Variants in ZDHHC17 observed in about 807,000 individuals in gnomAD.
The protein encoded by ZDHHC17 is zDHHC palmitoyltransferase 17.
In ZDHHC17, 40 loss-of-function variants were observed where a neutral mutation model predicts 90.3. That is an observed-to-expected ratio of 0.44 (90% CI 0.34 to 0.58). The LOEUF (loss-of-function observed/expected upper bound fraction) is 0.58. ZDHHC17 is among the 20% of genes least tolerant of loss of function. The probability of loss-of-function intolerance (pLI) is 0.01; values close to 1 mark genes in which losing one functional copy is unlikely to be tolerated. For missense variants in ZDHHC17, 614 were observed against 780.8 expected (o/e 0.79, Z 2.55); for synonymous variants, 235 against 252.4 (o/e 0.93, Z 0.65).
chr12:76,823,029 A>G (rs1335409503), intron 8 of ZDHHC17, among the ~76,000 whole-genome samples: 1 of 141,770 alleles, frequency 7.1e-6, no homozygotes, highest in Non-Finnish European at 1.5e-5. Flanking sequence ...GCTCTTACCT[A>G]CGTGGTTGGT....
chr12:76,835,690 T>G (rs1255211376), intron 10 of ZDHHC17, among the ~76,000 whole-genome samples: 1 of 151,930 alleles, frequency 6.6e-6, no homozygotes. Flanking sequence ...AGACTGAATT[T>G]TGTTTTTCTT....
chr12:76,793,515 G>A (rs771965884), intron 1 of ZDHHC17, among the ~76,000 whole-genome samples: 5 of 152,186 alleles, frequency 3.3e-5, no homozygotes, highest in African/African-American at 9.6e-5. Context: ...GTGAGGCTCT[G>A]CCTCAAAAGA....
At chr12:76,789,463 A>G (rs1337222950) in intron 1 of ZDHHC17, among the ~76,000 whole-genome samples, 1 of 152,218 alleles carries the variant, frequency 6.6e-6, no homozygotes, top group Non-Finnish European at 1.5e-5. Context: ...TAACCTAAAA[A>G]TGTTCAGCAA....
intron 1 of ZDHHC17, among the ~76,000 whole-genome samples, chr12:76,779,366 A>G (rs2137721534): frequency 6.6e-6 from 1 of 152,312 alleles, no homozygotes; most frequent in African/African-American, 2.4e-5. Context: ...TCAGTTACAC[A>G]TGGCTGGGGA....
chr12:76,764,217 G>GT lies in ZDHHC17; in HGVS notation c.-19dup, dbSNP rs543403157. ...TCCGCCTCGCCCGAGCCCCGGGAGG[G>GT]TGAAACGCTTTCTCCCAGCATGCAG... On this transcript the variant is annotated 5_prime_UTR_variant, in exon 1 of 17. Coordinates refer to ENST00000426126, the MANE Select transcript of ZDHHC17 (RefSeq NM_015336.4). The GT allele has an allele frequency of 7.9e-5, 124 of 1,569,478 alleles. No individual in the cohort carries two copies. The East Asian group carries it at 2.7e-3, about 34-fold the overall frequency.
intron 1 of ZDHHC17, among the ~76,000 whole-genome samples, chr12:76,787,642 G>C (rs201532271): frequency 3.6e-5 from 5 of 137,146 alleles, no homozygotes; most frequent in African/African-American, 8.2e-5. Flanking sequence ...CTCTCTCTCT[G>C]TCTCTTGTGT....
rs184349331 is a variant in ZDHHC17, at chr12:76,842,867, G to A, written c.1267-52G>A. The stretch of plus-strand genomic sequence containing the variant: ...ATTGATTCATAGTGGTGGCAAAAGA[G>A]TTGGTGAGCATTGTTCAGTTTTGAA... On this transcript the variant is annotated intron_variant, in intron 11 of 16. Transcript: ENST00000426126. 5.1e-6 allele frequency: 7 copies of A among 1,363,620 alleles called. No homozygotes were observed. In the East Asian group the frequency reaches 1.8e-4, roughly 34 times the overall value. 84.5% of individuals were successfully genotyped at this position (1,363,620 alleles called of 1,614,324 possible). A position where few individuals can be genotyped will look rare whatever the true frequency, so the allele number is the denominator to read the frequency against.
chr12:76,795,508 G>A (rs1262776387), intron 1 of ZDHHC17, among the ~76,000 whole-genome samples: 1 of 152,088 alleles, frequency 6.6e-6, no homozygotes, highest in Non-Finnish European at 1.5e-5. Flanking sequence ...CCATATAGAT[G>A]TCAAAGTTGG....
intron 9 of ZDHHC17, among the ~76,000 whole-genome samples, chr12:76,828,049 A>G (rs1375479911): frequency 6.6e-6 from 1 of 152,136 alleles, no homozygotes; most frequent in East Asian, 1.9e-4. Context: ...CAAAATTTTG[A>G]CACATCTTTG....
At chr12:76,782,605 T>A (rs1159198937) in intron 1 of ZDHHC17, among the ~76,000 whole-genome samples, 1 of 152,092 alleles carries the variant, frequency 6.6e-6, no homozygotes, top group Non-Finnish European at 1.5e-5. Flanking sequence ...TCAGATATGT[T>A]CCACTGGAGT....
At chr12:76,838,557 A>T (rs2137798987) in intron 10 of ZDHHC17, among the ~76,000 whole-genome samples, 1 of 152,312 alleles carries the variant, frequency 6.6e-6, no homozygotes, top group East Asian at 1.9e-4. Context: ...TCAATTGTAA[A>T]TTCTTGCTGA....
At chr12:76,845,923 A>G (rs894730466) in intron 13 of ZDHHC17, 121 bp downstream of exon 13, 9 of 504,052 alleles carry the variant, frequency 1.8e-5, no homozygotes, top group Admixed American at 3.5e-5. Flanking sequence ...TTTCTCAGTT[A>G]TCTTCTGGTT....
intron 1 of ZDHHC17, among the ~76,000 whole-genome samples, chr12:76,790,640 T>C (rs552021622): frequency 1.3e-5 from 2 of 152,350 alleles, no homozygotes; most frequent in East Asian, 3.9e-4. Context: ...AAAACTGTTA[T>C]TTAAGGGAGC....
chr12:76,803,360 A>T (rs925753672), intron 2 of ZDHHC17, among the ~76,000 whole-genome samples: 1 of 152,202 alleles, frequency 6.6e-6, no homozygotes, highest in Non-Finnish European at 1.5e-5. Flanking sequence ...TGGAGGTCAC[A>T]TCCCAGAGCA....
intron 10 of ZDHHC17, among the ~76,000 whole-genome samples, chr12:76,834,195 TTTTA>T (rs572207942): frequency 2.0e-5 from 3 of 152,286 alleles, no homozygotes; most frequent in African/African-American, 4.8e-5. Flanking sequence ...TTTCTTGCAT[TTTTA>T]TTTATTTTTA....
At chr12:76,813,914 G>A (rs1173845495) in intron 5 of ZDHHC17, among the ~76,000 whole-genome samples, 5 of 152,026 alleles carry the variant, frequency 3.3e-5, no homozygotes, top group African/African-American at 1.2e-4. Flanking sequence ...TTATATGATG[G>A]AGCTAGGAAG....
intron 12 of ZDHHC17, chr12:76,845,418 A>T (rs1040921891): frequency 4.4e-4 from 76 of 172,704 alleles, no homozygotes; most frequent in African/African-American, 1.7e-3. Context: ...TAAACATAGC[A>T]TCATTCATCA....
At chr12:76,843,870 T>A (rs1001460736) in intron 12 of ZDHHC17, 16 of 152,142 alleles carry the variant, frequency 1.1e-4, no homozygotes, top group African/African-American at 3.9e-4. Context: ...GTTCTAATTC[T>A]GAAAATTCTT....
chr12:76,766,893 G>A (rs548325458), intron 1 of ZDHHC17, among the ~76,000 whole-genome samples: 2 of 151,970 alleles, frequency 1.3e-5, no homozygotes, highest in Non-Finnish European at 2.9e-5. Context: ...GGTGGTACAC[G>A]CCTGTAGTCC....
Sources: gnomAD v4.1 joint callset for allele counts (sites outside exome capture counted in the v4.1 genomes callset) on GRCh38, gnomAD v4.1.1 for gene constraint, MANE v1.5 for transcripts, NCBI Gene and HGNC (gene_info 2026-07-23, HGNC 2026-07-21) for gene names.